The following SLK variants were observed in gnomAD, a reference collection of about 807,000 sequenced individuals.
SLK encodes the protein STE20-like serine/threonine-protein kinase.
Under a neutral mutation model 147.7 loss-of-function variants are expected in SLK, and 67 were observed. The observed-to-expected ratio is 0.45, with a 90% CI of 0.37 to 0.56. The LOEUF is 0.56. Among genes scored for constraint, SLK ranks in the 20% least tolerant of loss-of-function variants. The pLI is 0.00. For synonymous variants in SLK, 441 were observed against 475.0 expected, an observed-to-expected ratio of 0.93 and a Z score of 0.93; for missense variants, 1,136 against 1,438.8, an observed-to-expected ratio of 0.79 and a Z score of 3.41.
At chr10:104,018,059 G>A in intron 13 of SLK, 101 bp from the exon 14 acceptor site, 1 of 962,498 alleles carries the variant, frequency 1.0e-6, no homozygotes, top group Non-Finnish European at 1.5e-6. Context: ...TGCAAACTTG[G>A]TTTGGAAATC....
intron 9 of SLK, among the ~76,000 whole-genome samples, chr10:104,004,837 T>G (rs1255773996): frequency 6.6e-6 from 1 of 152,208 alleles, no homozygotes; most frequent in Non-Finnish European, 1.5e-5. Flanking sequence ...TTAAATGTTT[T>G]TGGATACCAG....
intron 13 of SLK, 120 bp downstream of exon 13, chr10:104,011,028 A>G (rs2134514075): frequency 2.0e-6 from 1 of 500,190 alleles, no homozygotes; most frequent in South Asian, 4.6e-5. Context: ...ACTTCTCCCC[A>G]TTCAAAAACT....
At position 103,993,007 on chromosome 10, in the gene SLK, T is replaced by G; in HGVS notation, c.388T>G (p.Ser130Ala). 6.2e-7 allele frequency: 1 copy of G among 1,611,216 alleles called. No individual in the cohort carries two copies. The highest frequency in any genetic ancestry group is 8.5e-7 in the Non-Finnish European group (1 of 1,178,634). Residue 130 changes from serine to alanine, a missense_variant, in exon 4 of 19, where the codon TCC (serine) becomes GCC (alanine). Around this residue, in one of 6 missense-constraint regions of SLK, gnomAD observed 5 missense variants for 19.5 expected, o/e 0.26. Transcript: ENST00000369755. Reference sequence around the variant, plus strand: ...AGAACTTGAGAGACCATTAACTGAGTCCCAAATACAAGTAGTTTGCAAGCA... The same window carrying G: ...AGAACTTGAGAGACCATTAACTGAGGCCCAAATACAAGTAGTTTGCAAGCA... ...MLELERPLTE[S>A]QIQVVCKQTL...
chr10:104,000,971 A>C (rs1052954021), intron 7 of SLK, among the ~76,000 whole-genome samples: 1 of 145,380 alleles, frequency 6.9e-6, no homozygotes, highest in South Asian at 2.2e-4. Context: ...AGGCAGGAGA[A>C]TCTCTTGAAC....
intron 1 of SLK, among the ~76,000 whole-genome samples, chr10:103,977,010 A>G (rs1843881124): frequency 6.6e-6 from 1 of 152,160 alleles, no homozygotes; most frequent in Non-Finnish European, 1.5e-5. Context: ...ACAACCTAAA[A>G]TACTTCCAGA....
rs1844060035 is a variant in SLK, at chr10:103,989,460, G to GTTCCTT, written c.151-1213_151-1212insCCTTTT. Among the ~76,000 whole-genome samples the GTTCCTT allele has an allele frequency of 4.1e-5, 4 of 96,850 alleles. No individual in the cohort carries two copies. The South Asian group carries it at 1.3e-3, about 31-fold the overall frequency. The allele number at this position is 96,850 out of a possible 152,430, so 63.5% of individuals were successfully genotyped here. On this transcript the variant is annotated intron_variant, in intron 1 of 18. Transcript: ENST00000369755. Reference sequence around the variant, plus strand: ...AGCCATTTTGGAAGACAGTGTGGCAGTTTCTTTTTTTTTTTTTTTTTTTTT... The same window carrying GTTCCTT: ...AGCCATTTTGGAAGACAGTGTGGCAGTTCCTTTTTCTTTTTTTTTTTTTTTTTTTTT...
intron 1 of SLK, among the ~76,000 whole-genome samples, chr10:103,970,092 T>C (rs1462805435): frequency 5.3e-4 from 81 of 152,188 alleles, no homozygotes; most frequent in Non-Finnish European, 7.3e-5. Flanking sequence ...TGCCTAACTT[T>C]GCTCATCCAT....
chr10:103,985,056 G>T (rs1034947569), intron 1 of SLK, among the ~76,000 whole-genome samples: 2 of 152,178 alleles, frequency 1.3e-5, no homozygotes, highest in African/African-American at 2.4e-5. Flanking sequence ...AGTACAGTAA[G>T]ATGTATTGAG....
At chr10:103,988,045 G>A (rs1415399787) in intron 1 of SLK, among the ~76,000 whole-genome samples, 3 of 152,198 alleles carry the variant, frequency 2.0e-5, no homozygotes, top group African/African-American at 7.2e-5. Flanking sequence ...AAACCTACAT[G>A]CTTTTGTGTT....
At chr10:103,991,861 G>T (rs539096255) in intron 2 of SLK, among the ~76,000 whole-genome samples, 3 of 152,046 alleles carry the variant, frequency 2.0e-5, no homozygotes, top group African/African-American at 7.2e-5. Flanking sequence ...TGTTTCCAAA[G>T]ATTATAATGC....
chr10:103,978,617 A>C (rs923481729), intron 1 of SLK, among the ~76,000 whole-genome samples: 1 of 152,176 alleles, frequency 6.6e-6, no homozygotes, highest in Non-Finnish European at 1.5e-5. Flanking sequence ...ATCTCATCTC[A>C]AGATAATGGG....
chr10:104,002,512 A>T lies in SLK; in HGVS notation c.1334A>T (p.Asn445Ile). The change falls in exon 9 of 19, where the codon AAT becomes ATT. Residue 445 changes from asparagine (N) to isoleucine (I), a missense_variant. Physicochemically the swap from Asn to Ile is moderately radical, Grantham distance 149. Around this residue, in one of 6 missense-constraint regions of SLK, gnomAD observed 516 missense variants for 531.3 expected, o/e 0.97. Transcript: ENST00000369755. ...DTEDQETVDI[N>I]SVSEGKENNI... ...GAAGACCAAGAAACTGTGGACATTA[A>T]TTCAGTCAGTGAAGGAAAAGAGAAT... The T allele has an allele frequency of 6.2e-7, 1 of 1,612,462 alleles. No homozygotes were observed. Among genetic ancestry groups the T allele is most frequent in the South Asian group, 1.1e-5 (1 of 90,982 alleles).
At chr10:103,982,571 T>C (rs988105825) in intron 1 of SLK, among the ~76,000 whole-genome samples, 1 of 152,242 alleles carries the variant, frequency 6.6e-6, no homozygotes, top group African/African-American at 2.4e-5. Flanking sequence ...TTGGAATTTC[T>C]GTAATATTTT....
intron 12 of SLK, 29 bp downstream of exon 12, chr10:104,008,385 T>G: frequency 6.7e-7 from 1 of 1,503,170 alleles, no homozygotes; most frequent in African/African-American, 1.4e-5. Flanking sequence ...TTTTAATTAC[T>G]AAAGCTTTTT....
Position 103,967,827 on chromosome 10 carries a change from C to G in SLK, c.82C>G (p.Leu28Val), listed in dbSNP as rs1843737012. 1 of 1,614,106 alleles carries G rather than the reference C, an allele frequency of 6.2e-7. No homozygotes were observed. The highest frequency in any genetic ancestry group is 8.5e-7 in the Non-Finnish European group (1 of 1,179,986). ...KKQYEHVKRD[L>V]NPEDFWEIIG... Reference sequence around the variant, plus strand: ...GCAGTACGAACACGTGAAGAGGGACCTGAACCCCGAAGACTTTTGGGAGAT... The same window carrying G: ...GCAGTACGAACACGTGAAGAGGGACGTGAACCCCGAAGACTTTTGGGAGAT... The change falls in exon 1 of 19, where the codon CTG becomes GTG. Residue 28 changes from leucine (L) to valine (V), a missense_variant. Leu to Val is a conservative substitution (Grantham distance 32, BLOSUM62 1). This residue lies in a region of SLK where 126 missense variants were observed against 141.3 expected (regional missense o/e 0.89). Transcript: ENST00000369755.
chr10:104,013,718 C>A (rs957743062), intron 13 of SLK, among the ~76,000 whole-genome samples: 2 of 152,166 alleles, frequency 1.3e-5, no homozygotes, highest in African/African-American at 4.8e-5. Context: ...GTCCCACGTG[C>A]CTGTGGGAGG....
At chr10:104,022,646 C>T (rs1021906630) in intron 18 of SLK, among the ~76,000 whole-genome samples, 2 of 152,100 alleles carry the variant, frequency 1.3e-5, no homozygotes, top group African/African-American at 2.4e-5. Flanking sequence ...CTCACTCTGT[C>T]GCCCAGGCTG....
At chr10:103,972,675 A>AG (rs1325807830) in intron 1 of SLK, among the ~76,000 whole-genome samples, 2 of 151,686 alleles carry the variant, frequency 1.3e-5, no homozygotes, top group Non-Finnish European at 1.5e-5. Context: ...CCGTCTCAAA[A>AG]AAAAAAAAAA....
chr10:103,986,691 T>TCC (rs201922294), intron 1 of SLK, among the ~76,000 whole-genome samples: 1 of 143,908 alleles, frequency 6.9e-6, no homozygotes, highest in Non-Finnish European at 1.5e-5. Flanking sequence ...TTTTTTTTTT[T>TCC]TCCCTGAGAC....
Sources: allele counts gnomAD v4.1 joint callset (sites outside exome capture counted in the v4.1 genomes callset), GRCh38; gene constraint gnomAD v4.1.1; regional missense constraint gnomAD v4.1.1; transcripts MANE v1.5; gene names NCBI Gene and HGNC (gene_info 2026-07-23, HGNC 2026-07-21).